TNKS: variants seen among roughly 807,000 people sequenced by gnomAD.
The protein encoded by TNKS is poly [ADP-ribose] polymerase tankyrase-1.
TNKS carries 72 observed loss-of-function variants against 135.8 expected under a neutral mutation model. The observed-to-expected ratio is 0.53, with a 90% CI of 0.44 to 0.64. The LOEUF is 0.64. TNKS is among the 30% of genes least tolerant of loss of function. TNKS has a pLI of 0.00. For synonymous variants in TNKS, 849 were observed against 649.3 expected (o/e 1.31, Z -4.68); for missense variants, 1,769 against 1,674.0 (o/e 1.06, Z -0.99).
At chr8:9,576,727 G>A (rs932994878) in intron 1 of TNKS, among the ~76,000 whole-genome samples, 2 of 151,950 alleles carry the variant, frequency 1.3e-5, no homozygotes, top group African/African-American at 4.8e-5. Context: ...TGAGATTTGG[G>A]TGGGGACACA....
At chr8:9,564,610 G>A (rs950929773) in intron 1 of TNKS, among the ~76,000 whole-genome samples, 1 of 152,188 alleles carries the variant, frequency 6.6e-6, no homozygotes, top group Non-Finnish European at 1.5e-5. Context: ...AAATATTGCA[G>A]TAGATAAAAT....
At chr8:9,582,895 G>A (rs1236643625) in intron 2 of TNKS, among the ~76,000 whole-genome samples, 1 of 152,002 alleles carries the variant, frequency 6.6e-6, no homozygotes, top group Non-Finnish European at 1.5e-5. Context: ...GGGCAGGCGC[G>A]GTGGCTCACG....
intron 2 of TNKS, among the ~76,000 whole-genome samples, chr8:9,598,263 G>T (rs559182547): frequency 6.6e-6 from 1 of 152,074 alleles, no homozygotes; most frequent in African/African-American, 2.4e-5. Flanking sequence ...TAGCCAGGAT[G>T]GTCTTGATCT....
At chr8:9,741,237 A>C (rs1419996752) in intron 17 of TNKS, 2 of 152,892 alleles carry the variant, frequency 1.3e-5, no homozygotes, top group African/African-American at 4.8e-5. Context: ...GCTAAGCTTC[A>C]GTTAAGGGTT....
chr8:9,604,267 T>C (rs1016200030), intron 2 of TNKS, among the ~76,000 whole-genome samples: 8 of 152,144 alleles, frequency 5.3e-5, no homozygotes, highest in Admixed American at 3.9e-4. Flanking sequence ...TTTGTACATA[T>C]ACTACTGTAT....
intron 5 of TNKS, among the ~76,000 whole-genome samples, chr8:9,701,896 G>A (rs1309857497): frequency 2.0e-5 from 3 of 152,306 alleles, no homozygotes; most frequent in Non-Finnish European, 2.9e-5. Flanking sequence ...ACACATGGGT[G>A]AGGAGACTGC....
chr8:9,636,510 T>G (rs183862853), intron 3 of TNKS, among the ~76,000 whole-genome samples: 1 of 152,204 alleles, frequency 6.6e-6, no homozygotes, highest in Non-Finnish European at 1.5e-5. Flanking sequence ...GTTTCAAAAT[T>G]AAATGTCTTT....
intron 3 of TNKS, among the ~76,000 whole-genome samples, chr8:9,632,846 C>G (rs1563130765): frequency 1.3e-5 from 2 of 152,174 alleles, no homozygotes; most frequent in Non-Finnish European, 2.9e-5. Flanking sequence ...TCTCCTGCCT[C>G]AGCCTCCCGA....
intron 20 of TNKS, among the ~76,000 whole-genome samples, chr8:9,754,558 C>T (rs1174985417): frequency 1.3e-5 from 2 of 151,840 alleles, no homozygotes; most frequent in African/African-American, 4.8e-5. Context: ...CTTTAATGCT[C>T]TTAATGATAA....
chr8:9,610,345 C>G (rs1420192003), intron 2 of TNKS, among the ~76,000 whole-genome samples: 1 of 151,020 alleles, frequency 6.6e-6, no homozygotes, highest in Admixed American at 6.6e-5. Context: ...CTGTAGCATA[C>G]TATATATGAT....
chr8:9,728,086 TTTAAA>T (rs1191227749), intron 13 of TNKS, among the ~76,000 whole-genome samples: 1 of 152,196 alleles, frequency 6.6e-6, no homozygotes, highest in Admixed American at 6.5e-5. Flanking sequence ...AGCATACAGT[TTTAAA>T]TTCCATGTGT....
At chr8:9,744,242 G>C (rs11991566) in intron 17 of TNKS, among the ~76,000 whole-genome samples, 1 of 152,102 alleles carries the variant, frequency 6.6e-6, no homozygotes, top group Non-Finnish European at 1.5e-5. Flanking sequence ...GTTTATACAA[G>C]ACAGTTAACT....
intron 1 of TNKS, among the ~76,000 whole-genome samples, chr8:9,564,099 A>G (rs1429942953): frequency 6.6e-6 from 1 of 152,150 alleles, no homozygotes; most frequent in East Asian, 1.9e-4. Context: ...TATATAACCT[A>G]TGAGACATTT....
chr8:9,657,255 C>T (rs1472963609), intron 3 of TNKS, among the ~76,000 whole-genome samples: 1 of 108,446 alleles, frequency 9.2e-6, no homozygotes, highest in African/African-American at 3.3e-5. Context: ...GGGGGCCGAC[C>T]CCCCCACCTC....
chr8:9,577,138 A>G (rs1797980855), intron 1 of TNKS, among the ~76,000 whole-genome samples: 1 of 144,388 alleles, frequency 6.9e-6, no homozygotes, highest in African/African-American at 2.6e-5. Context: ...CTCTTTGTAA[A>G]GCTTTTAAAT....
intron 3 of TNKS, among the ~76,000 whole-genome samples, chr8:9,616,340 A>G (rs1434861977): frequency 6.6e-6 from 1 of 152,184 alleles, no homozygotes; most frequent in African/African-American, 2.4e-5. Context: ...GTTTTCATTG[A>G]TCTGCATTCT....
intron 1 of TNKS, among the ~76,000 whole-genome samples, chr8:9,561,299 A>G (rs1431756443): frequency 1.3e-5 from 2 of 152,242 alleles, no homozygotes; most frequent in African/African-American, 4.8e-5. Context: ...ATGCAGATAC[A>G]TGTGTAACTG....
intron 1 of TNKS, among the ~76,000 whole-genome samples, chr8:9,563,601 G>C (rs1211803370): frequency 6.6e-6 from 1 of 151,962 alleles, no homozygotes; most frequent in Non-Finnish European, 1.5e-5. Context: ...TCCATTTTGT[G>C]TTCTTTCTTT....
intron 3 of TNKS, among the ~76,000 whole-genome samples, chr8:9,636,121 T>TA (rs1800502142): frequency 6.6e-6 from 1 of 152,168 alleles, no homozygotes; most frequent in Admixed American, 6.5e-5. Context: ...CTCAAATGGA[T>TA]AAAAAATTGG....
Sources: allele counts gnomAD v4.1 joint callset (sites outside exome capture counted in the v4.1 genomes callset), GRCh38; gene constraint gnomAD v4.1.1; transcripts MANE v1.5; gene names NCBI Gene and HGNC (gene_info 2026-07-23, HGNC 2026-07-21).